The following IFT88 variants were observed in gnomAD, a reference collection of about 807,000 sequenced individuals.
IFT88 encodes intraflagellar transport 88, also known as intraflagellar transport protein 88 homolog.
IFT88 carries 74 observed loss-of-function variants against 119.5 expected under a neutral mutation model. That is an observed-to-expected ratio of 0.62 (90% CI 0.51 to 0.75). IFT88 has a LOEUF of 0.75. IFT88 is among the 30% of genes least tolerant of loss of function. IFT88 has a pLI of 0.00. For synonymous variants in IFT88, 279 were observed against 316.7 expected, an observed-to-expected ratio of 0.88 and a Z score of 1.26; for missense variants, 961 against 977.7, an observed-to-expected ratio of 0.98 and a Z score of 0.23.
intron 24 of IFT88, among the ~76,000 whole-genome samples, chr13:20,684,310 G>A (rs930137704): frequency 6.6e-6 from 1 of 152,170 alleles, no homozygotes; most frequent in Admixed American, 6.5e-5. Context: ...AGAGAGATTT[G>A]GAGAGTCAGG....
intron 22 of IFT88, among the ~76,000 whole-genome samples, chr13:20,659,187 T>C (rs2053382919): frequency 6.6e-6 from 1 of 152,184 alleles, no homozygotes; most frequent in South Asian, 2.1e-4. Flanking sequence ...AAAATAATGA[T>C]TTTTACTTTA....
chr13:20,671,132 A>C, intron 24 of IFT88, 93 bp downstream of exon 24: 1 of 993,720 alleles, frequency 1.0e-6, no homozygotes. Context: ...AAGTGTTCTT[A>C]TGTGTCTGTC....
chr13:20,607,813 A>G (rs1215699289), intron 13 of IFT88: 10 of 738,758 alleles, frequency 1.4e-5, no homozygotes, highest in Non-Finnish European at 2.0e-5. Context: ...TTCAGTTGTC[A>G]ATGCCACCAA....
chr13:20,586,057 G>A (rs547020837), intron 3 of IFT88, among the ~76,000 whole-genome samples: 2 of 152,148 alleles, frequency 1.3e-5, no homozygotes, highest in African/African-American at 2.4e-5. Context: ...CAGGGATCAC[G>A]TAACAGGTGA....
chr13:20,599,021 T>G (rs985836480), intron 10 of IFT88, among the ~76,000 whole-genome samples: 1 of 152,060 alleles, frequency 6.6e-6, no homozygotes, highest in African/African-American at 2.4e-5. Context: ...TGCTTTTCCT[T>G]ATATAAATTT....
In IFT88 at chr13:20,643,582, C is replaced by G; in HGVS notation, c.1810C>G (p.Gln604Glu). ...ATATGATCGTGAAGGAGATAAATCTCAAGCATTTCAATATTACTATGAGGT... is the reference window on the plus strand; with the variant it reads ...ATATGATCGTGAAGGAGATAAATCTGAAGCATTTCAATATTACTATGAGGT... Reference protein sequence around the residue: ...ELYDREGDKSQAFQYYYESYR... With the variant: ...ELYDREGDKSEAFQYYYESYR... Residue 604 changes from glutamine (Q) to glutamate (E), a missense_variant, in exon 19 of 26, where the codon CAA becomes GAA. Gln to Glu is a conservative substitution (Grantham distance 29). Transcript: ENST00000351808. 6.2e-7 allele frequency: 1 copy of G among 1,603,738 alleles called. No individual in the cohort carries two copies.
At chr13:20,660,034 G>A (rs985017806) in intron 22 of IFT88, among the ~76,000 whole-genome samples, 2 of 152,198 alleles carry the variant, frequency 1.3e-5, no homozygotes, top group Non-Finnish European at 2.9e-5. Context: ...CACTGTGGAT[G>A]TAGCAGAAAA....
intron 24 of IFT88, among the ~76,000 whole-genome samples, chr13:20,679,114 C>T (rs1290381179): frequency 6.6e-6 from 1 of 152,214 alleles, no homozygotes; most frequent in African/African-American, 2.4e-5. Context: ...CCCACTCGTG[C>T]TCTGTTTCAT....
chr13:20,601,825 A>C lies in IFT88; in HGVS notation c.933A>C (p.Leu311=), dbSNP rs756858801. 51 of 1,613,148 alleles carry C rather than the reference A, an allele frequency of 3.2e-5. No individual in the cohort carries two copies. The highest frequency in any genetic ancestry group is 4.2e-5 in the Non-Finnish European group (49 of 1,179,228). The change falls in exon 12 of 26, where the codon CTA becomes CTC. Residue 311 remains leucine, a synonymous_variant. Coordinates refer to ENST00000351808, the MANE Select transcript of IFT88 (RefSeq NM_006531.5). Reference sequence around the variant, plus strand: ...CAAATCTGAAGGCAGGCTACAACCTAACTATCTGTTATTTTGCTATTGGAG... The same window carrying C: ...CAAATCTGAAGGCAGGCTACAACCTCACTATCTGTTATTTTGCTATTGGAG... ...MAPNLKAGYN[L]TICYFAIGDR...
intron 4 of IFT88, 124 bp from the exon 5 acceptor site, chr13:20,590,843 G>A (rs2040545515): frequency 3.0e-6 from 2 of 659,396 alleles, no homozygotes; most frequent in African/African-American, 1.8e-5. Context: ...CGCCCAGGAG[G>A]TACAAGGAAT....
rs2057179854 is a variant in IFT88 at position 20,680,381 on chromosome 13, C to G, written c.2242+9342C>G. On this transcript the variant is annotated intron_variant, in intron 24 of 25. Transcript: ENST00000351808. ...ATCTATAGAACTAGGCATCTAAAAA[C>G]TTTCGTTAGTGTATACCTCCACTGG... is the stretch of plus-strand genomic sequence containing the variant. Among the ~76,000 whole-genome samples the G allele has an allele frequency of 3.3e-5, 5 of 152,296 alleles. No individual in the cohort carries two copies. The South Asian group carries it at 8.3e-4, about 25-fold the overall frequency.
chr13:20,668,194 T>C (rs1456367380), intron 23 of IFT88, among the ~76,000 whole-genome samples: 1 of 152,150 alleles, frequency 6.6e-6, no homozygotes, highest in East Asian at 1.9e-4. Flanking sequence ...ACAGAGTCTG[T>C]CCTGTTGCCT....
chr13:20,569,430 G>A lies in IFT88; in HGVS notation c.-7+2174G>A, dbSNP rs1020898055. Among the ~76,000 whole-genome samples, 17 of 151,018 alleles carry A rather than the reference G, an allele frequency of 1.1e-4. No individual in the cohort carries two copies. In the East Asian group the frequency reaches 1.2e-3, roughly 11 times the overall value. The stretch of plus-strand genomic sequence containing the variant: ...CTACTAAAAATACAAAAAATTAGCC[G>A]GGCGTGGTGGCGGGCGCCTGTAGTC... On this transcript the variant is annotated intron_variant, in intron 1 of 25. Coordinates refer to ENST00000351808, the MANE Select transcript of IFT88 (RefSeq NM_006531.5).
At chr13:20,647,299 T>C (rs776545862) in intron 20 of IFT88, among the ~76,000 whole-genome samples, 21 of 152,304 alleles carry the variant, frequency 1.4e-4, no homozygotes, top group South Asian at 2.1e-4. Flanking sequence ...ACATTTTCTC[T>C]TTTTTACATG....
chr13:20,687,654 G>A (rs1455314098), intron 24 of IFT88, among the ~76,000 whole-genome samples: 2 of 151,648 alleles, frequency 1.3e-5, no homozygotes, highest in African/African-American at 2.4e-5. Context: ...TATGTCTGAC[G>A]GTAAGATAGT....
intron 24 of IFT88, among the ~76,000 whole-genome samples, 199 bp from the exon 25 acceptor site, chr13:20,690,506 A>G (rs1402689639): frequency 4.6e-5 from 7 of 152,214 alleles, no homozygotes; most frequent in African/African-American, 1.7e-4. Context: ...CTCTTAAGTG[A>G]TGTTTTATCT....
chr13:20,678,661 G>A (rs2056977215), intron 24 of IFT88, among the ~76,000 whole-genome samples: 2 of 152,206 alleles, frequency 1.3e-5, no homozygotes, highest in Non-Finnish European at 2.9e-5. Flanking sequence ...ACTTCTAGCA[G>A]TGTGTGTGAT....
At chr13:20,654,441 A>G (rs1168276710) in intron 21 of IFT88, among the ~76,000 whole-genome samples, 1 of 152,238 alleles carries the variant, frequency 6.6e-6, no homozygotes, top group Non-Finnish European at 1.5e-5. Context: ...AAGGATAGAG[A>G]TGCTATTAGT....
Position 20,598,665 on chromosome 13 carries a change from G to T in IFT88, c.609G>T (p.Leu203Phe). 6.2e-7 allele frequency: 1 copy of T among 1,606,656 alleles called. No homozygotes were observed. Among genetic ancestry groups the T allele is most frequent in the South Asian group, 1.1e-5 (1 of 90,766 alleles). Residue 203 changes from leucine to phenylalanine, a missense_variant, in exon 10 of 26, where the codon TTG becomes TTT. Transcript: ENST00000351808. ...TTCTTCCTTAGGTTCTTTTCAATTT[G>T]GCCAGTCAGTATTCAGTTAATGAAA... is the stretch of plus-strand genomic sequence containing the variant. Reference protein sequence around the residue: ...LDLTYSVLFNLASQYSVNEMY... With the variant: ...LDLTYSVLFNFASQYSVNEMY...
Sources: gnomAD v4.1 joint callset for allele counts (sites outside exome capture counted in the v4.1 genomes callset) on GRCh38, gnomAD v4.1.1 for gene constraint, MANE v1.5 for transcripts, NCBI Gene and HGNC (gene_info 2026-07-23, HGNC 2026-07-21) for gene names.